The following PDGFC variants were observed in gnomAD, a reference collection of about 807,000 sequenced individuals.
PDGFC encodes the protein platelet derived growth factor C, also known as platelet-derived growth factor C.
In PDGFC, 12 loss-of-function variants were observed where a neutral mutation model predicts 35.5. The ratio of observed to expected loss-of-function variants is 0.34; its 90% CI spans 0.22 to 0.55. The LOEUF is 0.55. PDGFC is among the 20% of genes least tolerant of loss of function. The pLI, the probability that PDGFC is intolerant of heterozygous loss-of-function variation, is 0.91. For synonymous variants in PDGFC, 159 were observed against 148.8 expected, an observed-to-expected ratio of 1.07 and a Z score of -0.50; for missense variants, 322 against 412.4, an observed-to-expected ratio of 0.78 and a Z score of 1.90.
Position 156,852,007 on chromosome 4 carries a change from C to T in PDGFC, c.119-1591G>A, listed in dbSNP as rs111387291. 8.3e-3 allele frequency among the ~76,000 whole-genome samples: 1,179 copies of T among 141,660 alleles called. 13 individuals are homozygous for T. Among genetic ancestry groups the T allele is most frequent in the Non-Finnish European group, 0.014 (899 of 64,260 alleles). The allele number at this position is 141,660 out of a possible 152,430, so 92.9% of individuals were successfully genotyped here. A position where few individuals can be genotyped will look rare whatever the true frequency, so the allele number is the denominator to read the frequency against. ...ATGAGAAAAACAACAACAACAGCAA[C>T]AACAACAAAAACTTTTAAATATCCC... On this transcript the variant is annotated intron_variant, in intron 1 of 5. Transcript: ENST00000502773.
intron 1 of PDGFC, among the ~76,000 whole-genome samples, chr4:156,939,255 T>C (rs1003970206): frequency 2.0e-5 from 3 of 152,108 alleles, no homozygotes; most frequent in African/African-American, 7.2e-5. Flanking sequence ...GTTATATCTT[T>C]TTCTGATTAT....
rs59421806 is a variant in PDGFC at position 156,826,174 on chromosome 4, A to ATTTTTTTTTTTTTTTTTTTTTTT, written c.315-15180_315-15158dup. On this transcript the variant is annotated intron_variant, in intron 2 of 5. Coordinates refer to ENST00000502773, the MANE Select transcript of PDGFC (RefSeq NM_016205.3). ...GCCACCATATCCAGCTTTGAGTTGG[A>ATTTTTTTTTTTTTTTTTTTTTTT]TTTTTTTTTTTTTTTTTTTTTTTTT... 4.6e-5 allele frequency among the ~76,000 whole-genome samples: 2 copies of ATTTTTTTTTTTTTTTTTTTTTTT among 43,768 alleles called. 1 individual carries two copies. Among genetic ancestry groups the ATTTTTTTTTTTTTTTTTTTTTTT allele is most frequent in the Non-Finnish European group, 8.2e-5 (2 of 24,274 alleles). The allele number at this position is 43,768 out of a possible 152,430, so 28.7% of individuals were successfully genotyped here.
intron 2 of PDGFC, among the ~76,000 whole-genome samples, chr4:156,820,338 A>C (rs958653486): frequency 3.3e-5 from 5 of 152,248 alleles, no homozygotes; most frequent in Non-Finnish European, 5.9e-5. Context: ...GGAAGTAAGA[A>C]TCAATCAACA....
chr4:156,803,569 C>T lies in PDGFC; in HGVS notation c.495+7268G>A, dbSNP rs1023553087. On this transcript the variant is annotated intron_variant, in intron 3 of 5. Coordinates refer to ENST00000502773, the MANE Select transcript of PDGFC (RefSeq NM_016205.3). ...GATATAAAAGCATGTTAAATAGAGT[C>T]GTAGAGGTAAATTCAAAAGAGTTAT... 5.3e-5 allele frequency among the ~76,000 whole-genome samples: 8 copies of T among 151,974 alleles called. No homozygotes were observed. The East Asian group carries it at 1.2e-3, about 22-fold the overall frequency.
At chr4:156,891,143 AG>A (rs1420682806) in intron 1 of PDGFC, among the ~76,000 whole-genome samples, 2 of 152,070 alleles carry the variant, frequency 1.3e-5, no homozygotes, top group Admixed American at 6.5e-5. Flanking sequence ...TGTAATACAA[AG>A]GTAAGTATTT....
intron 1 of PDGFC, among the ~76,000 whole-genome samples, chr4:156,854,283 T>C (rs565607602): frequency 6.6e-6 from 1 of 152,296 alleles, no homozygotes; most frequent in South Asian, 2.1e-4. Context: ...TGGCATATAA[T>C]TGAGAAAACT....
At chr4:156,903,382 T>G (rs1400087463) in intron 1 of PDGFC, among the ~76,000 whole-genome samples, 1 of 151,948 alleles carries the variant, frequency 6.6e-6, no homozygotes, top group East Asian at 1.9e-4. Context: ...AAGACCAAAT[T>G]AAGCAAAGGT....
At chr4:156,903,491 A>C (rs138587669) in intron 1 of PDGFC, among the ~76,000 whole-genome samples, 2,475 of 152,138 alleles carry the variant, frequency 0.016, 69 homozygotes, top group African/African-American at 0.056. Context: ...TTACACAGTA[A>C]CAAATAACAC....
intron 2 of PDGFC, among the ~76,000 whole-genome samples, chr4:156,816,899 T>C (rs960915110): frequency 6.6e-6 from 1 of 152,232 alleles, no homozygotes; most frequent in Admixed American, 6.5e-5. Flanking sequence ...GTCAATGTGG[T>C]AATTTAGGCC....
chr4:156,928,731 G>C (rs1434627389), intron 1 of PDGFC, among the ~76,000 whole-genome samples: 1 of 152,116 alleles, frequency 6.6e-6, no homozygotes, highest in East Asian at 1.9e-4. Flanking sequence ...TCCTTTTATG[G>C]TGTTAAAGAC....
intron 2 of PDGFC, among the ~76,000 whole-genome samples, chr4:156,836,927 A>G (rs531153323): frequency 6.6e-6 from 1 of 152,314 alleles, no homozygotes; most frequent in East Asian, 1.9e-4. Context: ...CTGTATTATA[A>G]AAGCCTGAAG....
chr4:156,795,159 CTAAG>C (rs1365419150), intron 3 of PDGFC, among the ~76,000 whole-genome samples: 1 of 152,258 alleles, frequency 6.6e-6, no homozygotes, highest in East Asian at 1.9e-4. Context: ...GTTTTAATTA[CTAAG>C]TTATTCAAAT....
At chr4:156,866,515 G>A (rs1213727658) in intron 1 of PDGFC, among the ~76,000 whole-genome samples, 2 of 151,990 alleles carry the variant, frequency 1.3e-5, no homozygotes, top group African/African-American at 2.4e-5. Context: ...ACCATGTGCA[G>A]TGGGTGGGGG....
At chr4:156,874,415 T>TAAAG (rs1730060328) in intron 1 of PDGFC, among the ~76,000 whole-genome samples, 6 of 152,098 alleles carry the variant, frequency 3.9e-5, no homozygotes, top group Admixed American at 3.9e-4. Flanking sequence ...GCCTCTCCTT[T>TAAAG]GAGAGGCTTA....
At chr4:156,764,682 CTTTA>C (rs1026081149) in intron 5 of PDGFC, among the ~76,000 whole-genome samples, 3 of 152,100 alleles carry the variant, frequency 2.0e-5, no homozygotes, top group African/African-American at 7.2e-5. Flanking sequence ...ATTACTTTGA[CTTTA>C]TTTCTTTAAT....
At chr4:156,804,430 A>G (rs1044182204) in intron 3 of PDGFC, among the ~76,000 whole-genome samples, 2 of 151,944 alleles carry the variant, frequency 1.3e-5, no homozygotes, top group Non-Finnish European at 2.9e-5. Flanking sequence ...AACACATTTG[A>G]GAAAAAATTT....
intron 3 of PDGFC, among the ~76,000 whole-genome samples, chr4:156,796,666 G>A (rs542870946): frequency 3.9e-5 from 6 of 152,074 alleles, no homozygotes; most frequent in African/African-American, 1.4e-4. Context: ...CAGCCAAGCT[G>A]TATTCTCTGA....
intron 5 of PDGFC, among the ~76,000 whole-genome samples, chr4:156,766,172 T>A (rs180674617): frequency 6.6e-6 from 1 of 152,134 alleles, no homozygotes; most frequent in African/African-American, 2.4e-5. Flanking sequence ...AGTTCTCTAA[T>A]AGAGTACCTT....
At chr4:156,811,087 C>T in intron 2 of PDGFC, 70 bp from the exon 3 acceptor site, 1 of 1,021,896 alleles carries the variant, frequency 9.8e-7, no homozygotes, top group South Asian at 1.7e-5. Flanking sequence ...AGTTTCATGT[C>T]TGTGGGTGCT....
Sources: gnomAD v4.1 joint callset for allele counts (sites outside exome capture counted in the v4.1 genomes callset) on GRCh38, gnomAD v4.1.1 for gene constraint, MANE v1.5 for transcripts, NCBI Gene and HGNC (gene_info 2026-07-23, HGNC 2026-07-21) for gene names.